The following FILIP1L variants were observed in gnomAD, a reference collection of about 807,000 sequenced individuals.
FILIP1L encodes filamin A-interacting protein 1-like.
In FILIP1L, 55 loss-of-function variants were observed where a neutral mutation model predicts 96.6. That is an observed-to-expected ratio of 0.57 (90% CI 0.46 to 0.71). The LOEUF (loss-of-function observed/expected upper bound fraction) is 0.71, where lower values mean the gene tolerates loss of function less well. FILIP1L is among the 30% of genes least tolerant of loss of function. The probability of loss-of-function intolerance (pLI) is 0.00; values close to 1 mark genes in which losing one functional copy is unlikely to be tolerated. For missense variants in FILIP1L, 1,304 were observed against 1,321.2 expected, an observed-to-expected ratio of 0.99 and a Z score of 0.20; for synonymous variants, 467 against 473.9, an observed-to-expected ratio of 0.99 and a Z score of 0.19.
At chr3:99,995,531 A>C (rs111633828) in intron 1 of FILIP1L, among the ~76,000 whole-genome samples, 230 of 152,258 alleles carry the variant, frequency 1.5e-3, no homozygotes, top group African/African-American at 5.2e-3. Flanking sequence ...TCACAGCTCC[A>C]CTAGGCAGTG....
At chr3:99,939,379 C>A (rs1189675378) in intron 1 of FILIP1L, among the ~76,000 whole-genome samples, 1 of 152,174 alleles carries the variant, frequency 6.6e-6, no homozygotes, top group Non-Finnish European at 1.5e-5. Flanking sequence ...ACAGTGTAGT[C>A]CTTTAACCGA....
intron 2 of FILIP1L, 127 bp downstream of exon 2, chr3:99,930,642 T>C: frequency 1.0e-6 from 1 of 975,312 alleles, no homozygotes; most frequent in Non-Finnish European, 1.5e-6. Flanking sequence ...GTATATATAC[T>C]TATGCTTTGC....
At chr3:99,867,207 G>T (rs1433611756) in intron 4 of FILIP1L, among the ~76,000 whole-genome samples, 1 of 152,104 alleles carries the variant, frequency 6.6e-6, no homozygotes, top group Admixed American at 6.5e-5. Flanking sequence ...TCTTGGCCCT[G>T]GGTCTGCTGC....
At chr3:99,968,277 G>T (rs917162327) in intron 1 of FILIP1L, among the ~76,000 whole-genome samples, 1 of 152,108 alleles carries the variant, frequency 6.6e-6, no homozygotes, top group Non-Finnish European at 1.5e-5. Flanking sequence ...CAAAAAAATG[G>T]CAAACTACAG....
At chr3:99,984,046 A>ATGTGTGTGTGTGTGTGTGTGTG (rs1206336764) in intron 1 of FILIP1L, among the ~76,000 whole-genome samples, 69 of 14,046 alleles carry the variant, frequency 4.9e-3, no homozygotes, top group African/African-American at 0.022. Context: ...AAAAGGATGT[A>ATGTGTGTGTGTGTGTGTGTGTG]TATGTATGTG....
At chr3:100,016,825 C>T (rs1468634044) in intron 1 of FILIP1L, among the ~76,000 whole-genome samples, 1 of 152,170 alleles carries the variant, frequency 6.6e-6, no homozygotes, top group Non-Finnish European at 1.5e-5. Context: ...AATAGTGCTT[C>T]TAGGAACAGA....
Position 99,849,168 on chromosome 3 carries a change from C to A in FILIP1L, c.2508G>T (p.Glu836Asp), listed in dbSNP as rs377014839. 66 of 1,614,000 alleles carry A rather than the reference C, an allele frequency of 4.1e-5. No individual in the cohort carries two copies. The highest frequency in any genetic ancestry group is 5.4e-5 in the Non-Finnish European group (64 of 1,180,010). ...QLYEESENQD[E>D]DPNDEGSVLS... ...GCACAGATCCCTCATCATTAGGGTCCTCGTCTTGATTCTCACTCTCCTCAT... is the reference window on the plus strand; with the variant it reads ...GCACAGATCCCTCATCATTAGGGTCATCGTCTTGATTCTCACTCTCCTCAT... Residue 836 changes from glutamate (E) to aspartate (D), a missense_variant, in exon 5 of 6, where the codon GAG becomes GAT. Transcript: ENST00000477258.
At chr3:99,933,509 T>TA (rs989242089) in intron 1 of FILIP1L, among the ~76,000 whole-genome samples, 6 of 152,238 alleles carry the variant, frequency 3.9e-5, no homozygotes, top group Admixed American at 2.0e-4. Context: ...ATGTGCTTTA[T>TA]AAAAAACATT....
intron 1 of FILIP1L, among the ~76,000 whole-genome samples, chr3:99,963,104 C>T (rs1321405522): frequency 6.6e-6 from 1 of 152,156 alleles, no homozygotes; most frequent in African/African-American, 2.4e-5. Flanking sequence ...GTTTAGCCTG[C>T]CTACAGAGGG....
intron 1 of FILIP1L, among the ~76,000 whole-genome samples, chr3:99,995,191 T>C (rs1315851821): frequency 1.3e-5 from 2 of 152,120 alleles, no homozygotes; most frequent in Non-Finnish European, 2.9e-5. Flanking sequence ...GGTACAGGTA[T>C]TGGGTAAATA....
intron 4 of FILIP1L, among the ~76,000 whole-genome samples, chr3:99,899,077 A>G (rs1290459846): frequency 6.6e-6 from 1 of 152,258 alleles, no homozygotes; most frequent in Admixed American, 6.5e-5. Context: ...AGACAGCTAC[A>G]GTGAATGTGC....
chr3:100,077,520 G>A (rs1470905659), intron 1 of FILIP1L, among the ~76,000 whole-genome samples: 2 of 152,216 alleles, frequency 1.3e-5, no homozygotes, highest in African/African-American at 2.4e-5. Context: ...TTAAGGAAAT[G>A]GAGAGGGGAG....
intron 1 of FILIP1L, among the ~76,000 whole-genome samples, chr3:100,062,189 G>GC (rs2107347662): frequency 7.5e-6 from 1 of 132,810 alleles, no homozygotes; most frequent in Admixed American, 8.6e-5. Flanking sequence ...TTGGCTCACT[G>GC]CAAGCTCCGC....
intron 1 of FILIP1L, among the ~76,000 whole-genome samples, chr3:100,046,606 AG>A (rs2065283011): frequency 6.6e-6 from 1 of 152,148 alleles, no homozygotes; most frequent in Non-Finnish European, 1.5e-5. Flanking sequence ...TTAGCAAAAG[AG>A]GGGTCCTGTT....
Position 99,930,772 on chromosome 3 carries a change from C to G in FILIP1L, c.249G>C (p.Leu83=), listed in dbSNP as rs1707452787. The G allele has an allele frequency of 1.2e-6, 2 of 1,613,022 alleles. No individual in the cohort carries two copies. Among genetic ancestry groups the G allele is most frequent in the Admixed American group, 1.7e-5 (1 of 59,936 alleles). The change falls in exon 2 of 6, where the codon CTG becomes CTC. Residue 83 remains leucine, a synonymous_variant. Coordinates refer to ENST00000477258, the MANE Select transcript of FILIP1L (RefSeq NM_001387850.1). ...LFLLSILEGE[L]QARDEVIGIL... ...GGATAACTCCAACCCAGCTGACCTGCAGTTCTCCCTCCAGAATGCTGAGGA... is the reference window on the plus strand; with the variant it reads ...GGATAACTCCAACCCAGCTGACCTGGAGTTCTCCCTCCAGAATGCTGAGGA...
At chr3:100,063,909 CT>C (rs770280786) in intron 1 of FILIP1L, among the ~76,000 whole-genome samples, 18 of 152,302 alleles carry the variant, frequency 1.2e-4, no homozygotes, top group Non-Finnish European at 2.4e-4. Context: ...ATGTTAAAAT[CT>C]CTCCACATGT....
intron 1 of FILIP1L, among the ~76,000 whole-genome samples, chr3:100,049,714 A>G (rs1262308645): frequency 1.3e-5 from 2 of 152,174 alleles, no homozygotes; most frequent in Non-Finnish European, 2.9e-5. Flanking sequence ...AATAGTAAAT[A>G]TATTTTCTTA....
In FILIP1L at chr3:99,872,650, C is replaced by G. The variant is rs182416905; in HGVS notation, c.606-21580G>C. On this transcript the variant is annotated intron_variant, in intron 4 of 5. Transcript: ENST00000477258. ...CTTAACAATTTATCATATTTTGGAG[C>G]CAGTAGAGCATAGAAATGTGAGGAC... is the stretch of plus-strand genomic sequence containing the variant. 2.7e-4 allele frequency among the ~76,000 whole-genome samples: 41 copies of G among 152,092 alleles called. No individual in the cohort carries two copies. In the East Asian group the frequency reaches 7.6e-3, roughly 28 times the overall value.
At chr3:99,926,853 G>A (rs1707307864) in intron 3 of FILIP1L, among the ~76,000 whole-genome samples, 1 of 152,144 alleles carries the variant, frequency 6.6e-6, no homozygotes, top group African/African-American at 2.4e-5. Context: ...GGAATGGAAA[G>A]AAGGCTAGAA....
Sources: gnomAD v4.1 joint callset for allele counts (sites outside exome capture counted in the v4.1 genomes callset) on GRCh38, gnomAD v4.1.1 for gene constraint, MANE v1.5 for transcripts, NCBI Gene and HGNC (gene_info 2026-07-23, HGNC 2026-07-21) for gene names.